Variants in BBS4 observed in about 807,000 individuals in gnomAD.
The protein encoded by BBS4 is Bardet-Biedl syndrome 4.
In BBS4, 58 loss-of-function variants were observed where a neutral mutation model predicts 71.4. The ratio of observed to expected loss-of-function variants is 0.81; its 90% CI spans 0.66 to 1.01. The LOEUF (loss-of-function observed/expected upper bound fraction) is 1.01. BBS4 is among the 50% of genes least tolerant of loss of function. The pLI is 0.00. For synonymous variants in BBS4, 228 were observed against 216.8 expected (o/e 1.05, Z -0.46); for missense variants, 660 against 607.9 (o/e 1.09, Z -0.90).
At chr15:72,721,223 ATATC>A (rs1038026673) in intron 6 of BBS4, among the ~76,000 whole-genome samples, 1 of 152,206 alleles carries the variant, frequency 6.6e-6, no homozygotes, top group Non-Finnish European at 1.5e-5. Context: ...ACGTAATTGA[ATATC>A]TAATATCAAG....
intron 1 of BBS4, among the ~76,000 whole-genome samples, chr15:72,690,318 AAAT>A (rs941319096): frequency 6.6e-6 from 1 of 152,218 alleles, no homozygotes; most frequent in Non-Finnish European, 1.5e-5. Flanking sequence ...AAAAATGAAG[AAAT>A]AACAGAATAA....
intron 2 of BBS4, among the ~76,000 whole-genome samples, chr15:72,696,783 G>A (rs184100207): frequency 3.5e-4 from 53 of 151,960 alleles, no homozygotes; most frequent in African/African-American, 1.2e-3. Flanking sequence ...AGAAATGGGG[G>A]TCTGGCTCTG....
At chr15:72,688,154 A>C (rs1269507037) in intron 1 of BBS4, among the ~76,000 whole-genome samples, 3 of 151,788 alleles carry the variant, frequency 2.0e-5, no homozygotes, top group Non-Finnish European at 4.4e-5. Flanking sequence ...TCTAGTGCTC[A>C]TCACAAGTGT....
chr15:72,731,173 T>G, intron 10 of BBS4, 132 bp from the exon 11 acceptor site: 1 of 1,090,974 alleles, frequency 9.2e-7, no homozygotes, highest in Admixed American at 1.9e-5. Flanking sequence ...TTGGATATAT[T>G]TATGTCCCTG....
At chr15:72,721,802 G>A (rs909233102) in intron 6 of BBS4, among the ~76,000 whole-genome samples, 1 of 152,130 alleles carries the variant, frequency 6.6e-6, no homozygotes, top group African/African-American at 2.4e-5. Flanking sequence ...TTTCCCAAGA[G>A]CATTTTCCTT....
intron 2 of BBS4, among the ~76,000 whole-genome samples, chr15:72,707,109 A>G (rs1172622937): frequency 6.6e-6 from 1 of 151,408 alleles, no homozygotes; most frequent in South Asian, 2.1e-4. Context: ...TAGGTTGCAG[A>G]ACATCAAGAA....
chr15:72,712,334 G>A lies in BBS4; in HGVS notation c.220+27G>A, dbSNP rs1027154786. On this transcript the variant is annotated intron_variant, in intron 4 of 15. Coordinates refer to ENST00000268057, the MANE Select transcript of BBS4 (RefSeq NM_033028.5). The stretch of plus-strand genomic sequence containing the variant: ...TAAGACACATACTTCTTGTCTTCTT[G>A]CTAGAGAAATACACTTTTCCTAGGT... 3.7e-6 allele frequency: 6 copies of A among 1,601,116 alleles called. No homozygotes were observed. The African/African-American group carries it at 6.7e-5, about 18-fold the overall frequency.
intron 12 of BBS4, 22 bp downstream of exon 12, chr15:72,731,748 A>T (rs2065829537): frequency 6.2e-7 from 1 of 1,613,794 alleles, no homozygotes; most frequent in East Asian, 2.2e-5. Context: ...TTATGTGGAA[A>T]ACTCTCTCTG....
rs773893992 is a variant in BBS4 at position 72,735,825 on chromosome 15, G to A, written c.1107G>A (p.Lys369=). ...RAYAEAVHLD[K]CNPLVNLNYA... The stretch of plus-strand genomic sequence containing the variant: ...TCCATAGAATCTCTGTCTGCCACAG[G>A]TGTAACCCTTTAGTAAACCTGAACT... The change falls in exon 14 of 16, where the codon AAG becomes AAA. Residue 369 remains lysine (K), a splice_region_variant and synonymous_variant. Transcript: ENST00000268057. 36 of 1,614,142 alleles carry A rather than the reference G, an allele frequency of 2.2e-5. No homozygotes were observed. Among genetic ancestry groups the A allele is most frequent in the East Asian group, 1.6e-4 (7 of 44,878 alleles).
At chr15:72,695,149 T>C in intron 1 of BBS4, 28 bp from the exon 2 acceptor site, 1 of 1,531,158 alleles carries the variant, frequency 6.5e-7, no homozygotes, top group South Asian at 1.1e-5. Context: ...TTGTGGTGCT[T>C]CAATATAGAC....
chr15:72,698,120 CA>C (rs1405520357), intron 2 of BBS4: 2 of 447,148 alleles, frequency 4.5e-6, no homozygotes, highest in Non-Finnish European at 9.1e-6. Flanking sequence ...TTGGGGTGGC[CA>C]TAGCTGAGGA....
chr15:72,695,074 G>A (rs1346466656), intron 1 of BBS4, 103 bp from the exon 2 acceptor site: 1 of 779,546 alleles, frequency 1.3e-6, no homozygotes, highest in Admixed American at 2.2e-5. Flanking sequence ...TGGATTAATT[G>A]CATAATTGGT....
chr15:72,725,866 T>TTCCCCC (rs2065678207), intron 8 of BBS4, among the ~76,000 whole-genome samples: 1 of 1,714 alleles, frequency 5.8e-4, no homozygotes, highest in African/African-American at 2.1e-3. Context: ...CCCATCCCCC[T>TTCCCCC]TTCCCCATCC....
At chr15:72,725,372 G>A (rs1464472483) in intron 8 of BBS4, among the ~76,000 whole-genome samples, 1 of 152,042 alleles carries the variant, frequency 6.6e-6, no homozygotes, top group African/African-American at 2.4e-5. Flanking sequence ...CCTGGCCTTG[G>A]TAATAAGTTT....
intron 2 of BBS4, among the ~76,000 whole-genome samples, chr15:72,705,467 A>G (rs1390865992): frequency 6.6e-6 from 1 of 150,390 alleles, no homozygotes; most frequent in African/African-American, 2.5e-5. Context: ...GATTTGGTGG[A>G]TTTTCCTTTT....
intron 1 of BBS4, among the ~76,000 whole-genome samples, chr15:72,692,759 T>C (rs1394473802): frequency 6.6e-6 from 1 of 152,002 alleles, no homozygotes; most frequent in Non-Finnish European, 1.5e-5. Flanking sequence ...TATGCCTGGC[T>C]AATTTCTAAA....
intron 10 of BBS4, among the ~76,000 whole-genome samples, chr15:72,730,571 G>A (rs1037670433): frequency 8.7e-5 from 1 of 11,532 alleles, no homozygotes; most frequent in African/African-American, 9.7e-5. Context: ...CAGCCTGGGT[G>A]ACAGAGACCC....
At position 72,735,156 on chromosome 15, in the gene BBS4, C is replaced by T. The variant is rs780072808; in HGVS notation, c.1080C>T (p.Ala360=). The stretch of plus-strand genomic sequence containing the variant: ...AAGATATAGAAAATGCCAAGAGAGC[C>T]TACGCAGAAGCAGTCCACCTGGATA... ...NLEDIENAKR[A]YAEAVHLDKC... is the part of the protein sequence containing the mutation. Residue 360 remains alanine (A), a synonymous_variant, in exon 13 of 16, where the codon GCC becomes GCT. Coordinates refer to ENST00000268057, the MANE Select transcript of BBS4 (RefSeq NM_033028.5). 1.9e-6 allele frequency: 3 copies of T among 1,613,764 alleles called. No individual in the cohort carries two copies. The highest frequency in any genetic ancestry group is 2.5e-6 in the Non-Finnish European group (3 of 1,179,762).
chr15:72,728,122 C>G (rs957432450), intron 9 of BBS4, 128 bp downstream of exon 9: 7 of 700,406 alleles, frequency 1.0e-5, no homozygotes, highest in African/African-American at 5.4e-5. Flanking sequence ...GAACTACACT[C>G]TCTCTATTCG....
Sources: gnomAD v4.1 joint callset for allele counts (sites outside exome capture counted in the v4.1 genomes callset) on GRCh38, gnomAD v4.1.1 for gene constraint, MANE v1.5 for transcripts, NCBI Gene and HGNC (gene_info 2026-07-23, HGNC 2026-07-21) for gene names.